The following PTPN11 variants were observed in gnomAD, a reference collection of about 807,000 sequenced individuals.
The protein encoded by PTPN11 is protein tyrosine phosphatase non-receptor type 11, also known as tyrosine-protein phosphatase non-receptor type 11.
Under a neutral mutation model 78.8 loss-of-function variants are expected in PTPN11, and 6 were observed. The ratio of observed to expected loss-of-function variants is 0.08; its 90% CI spans 0.04 to 0.15. The LOEUF (loss-of-function observed/expected upper bound fraction) is 0.15. PTPN11 is among the 10% of genes least tolerant of loss of function. The probability of loss-of-function intolerance (pLI) is 1.00; values close to 1 mark genes in which losing one functional copy is unlikely to be tolerated. For synonymous variants in PTPN11, 221 were observed against 263.5 expected, an observed-to-expected ratio of 0.84 and a Z score of 1.56; for missense variants, 386 against 744.8, an observed-to-expected ratio of 0.52 and a Z score of 5.61.
At chr12:112,491,728 AG>A (rs1484670372) in intron 13 of PTPN11, among the ~76,000 whole-genome samples, 1 of 152,158 alleles carries the variant, frequency 6.6e-6, no homozygotes, top group African/African-American at 2.4e-5. Flanking sequence ...TTTTTGAGAC[AG>A]GGTCTCACTT....
Position 112,444,568 on chromosome 12 carries a change from G to A in PTPN11, c.15-1708G>A, listed in dbSNP as rs192042875. Reference sequence around the variant, plus strand: ...TTGGTCAGGCTGCTCCCGAACTCCCGACCTCAGGTGATCTGCCTGCCTCAG... The same window carrying A: ...TTGGTCAGGCTGCTCCCGAACTCCCAACCTCAGGTGATCTGCCTGCCTCAG... On this transcript the variant is annotated intron_variant, in intron 1 of 15. Coordinates refer to ENST00000351677, the MANE Select transcript of PTPN11 (RefSeq NM_002834.5). Among the ~76,000 whole-genome samples, 8 of 152,126 alleles carry A rather than the reference G, an allele frequency of 5.3e-5. No individual in the cohort carries two copies. In the East Asian group the frequency reaches 1.4e-3, roughly 26 times the overall value.
chr12:112,504,647 G>A lies in PTPN11; in HGVS notation c.1713-48G>A, dbSNP rs776467042. ...TATAGATATCATGTAAGCTTAAACA[G>A]CGTGGTCTACATTTTTGTAAATGTC... On this transcript the variant is annotated intron_variant, in intron 14 of 15. Transcript: ENST00000351677. This position sits in a 1 kb window ranked among gnomAD's most constrained non-coding sequence, Gnocchi z 4.7. The A allele has an allele frequency of 1.5e-6, 2 of 1,355,520 alleles. No individual in the cohort carries two copies. Among genetic ancestry groups the A allele is most frequent in the African/African-American group, 1.5e-5 (1 of 68,826 alleles). The allele number at this position is 1,355,520 out of a possible 1,614,324, so 84.0% of individuals were successfully genotyped here.
chr12:112,470,570 A>T (rs144739874), intron 6 of PTPN11, among the ~76,000 whole-genome samples: 1 of 152,176 alleles, frequency 6.6e-6, no homozygotes, highest in South Asian at 2.1e-4. Flanking sequence ...GGAGGGAGAA[A>T]TTGAAGGGTA....
chr12:112,441,464 T>A (rs2037889037), intron 1 of PTPN11, among the ~76,000 whole-genome samples: 1 of 151,528 alleles, frequency 6.6e-6, no homozygotes, highest in African/African-American at 2.4e-5. Context: ...GGTTTTGCCA[T>A]TTTGCCCAGG....
chr12:112,440,751 T>C (rs2037875681), intron 1 of PTPN11, among the ~76,000 whole-genome samples: 1 of 150,550 alleles, frequency 6.6e-6, no homozygotes, highest in Non-Finnish European at 1.5e-5. Flanking sequence ...TTTTTGTATT[T>C]TTAGTACAGA....
rs1333826013 is a variant in PTPN11, at chr12:112,477,879, A to G, written c.956A>G (p.Asn319Ser). ...TAGCCTGAATTTGAAACCAAGTGCA[A>G]CAATTCAAAGCCCAAAAAGAGTTAC... ...IIMPEFETKC[N>S]NSKPKKSYIA... Residue 319 changes from asparagine to serine, a missense_variant, in exon 9 of 16, where the codon AAC becomes AGC. This residue lies in a region of PTPN11 where 279 missense variants were observed against 503.3 expected (regional missense o/e 0.55). Coordinates refer to ENST00000351677, the MANE Select transcript of PTPN11 (RefSeq NM_002834.5). 6.2e-7 allele frequency: 1 copy of G among 1,614,062 alleles called. No homozygotes were observed. Among genetic ancestry groups the G allele is most frequent in the Non-Finnish European group, 8.5e-7 (1 of 1,180,024 alleles).
chr12:112,457,583 G>A (rs978398186), intron 6 of PTPN11: 2 of 152,668 alleles, frequency 1.3e-5, no homozygotes, highest in Admixed American at 1.3e-4. Context: ...GATCCTTGAG[G>A]AGTCACCACA....
intron 6 of PTPN11, among the ~76,000 whole-genome samples, chr12:112,461,338 C>CTTTTTTTTTTT (rs559792080): frequency 7.1e-6 from 1 of 140,492 alleles, no homozygotes. Context: ...TTTTCTTTTT[C>CTTTTTTTTTTT]TTTTTTTTTT....
At chr12:112,423,568 G>A (rs1171044694) in intron 1 of PTPN11, among the ~76,000 whole-genome samples, 1 of 152,068 alleles carries the variant, frequency 6.6e-6, no homozygotes, top group Non-Finnish European at 1.5e-5. Flanking sequence ...TTATAGGCAT[G>A]AGCTACCACA....
chr12:112,488,607 G>A, intron 12 of PTPN11, 97 bp downstream of exon 12: 4 of 1,290,080 alleles, frequency 3.1e-6, no homozygotes, highest in Non-Finnish European at 4.5e-6. Context: ...GGTTGAATGG[G>A]AAAATTCTTT....
intron 7 of PTPN11, among the ~76,000 whole-genome samples, chr12:112,476,432 A>G (rs1271459604): frequency 6.6e-6 from 1 of 152,154 alleles, no homozygotes; most frequent in Non-Finnish European, 1.5e-5. Flanking sequence ...TGGACAGTTG[A>G]TACTATCAGA....
At chr12:112,446,528 G>A in intron 2 of PTPN11, 130 bp downstream of exon 2, 1 of 1,338,324 alleles carries the variant, frequency 7.5e-7, no homozygotes, top group Non-Finnish European at 1.1e-6. Context: ...CTGCCTTCAG[G>A]GTTTGGGGAG....
chr12:112,444,729 A>G (rs1351196726), intron 1 of PTPN11, among the ~76,000 whole-genome samples: 1 of 152,104 alleles, frequency 6.6e-6, no homozygotes, highest in Non-Finnish European at 1.5e-5. Flanking sequence ...GTGGGTTATA[A>G]TCTGTTACTA....
chr12:112,420,124 A>G (rs1035066691), intron 1 of PTPN11, among the ~76,000 whole-genome samples: 1 of 152,132 alleles, frequency 6.6e-6, no homozygotes, highest in African/African-American at 2.4e-5. Context: ...TTTTGTAACT[A>G]TTGCTAACCA....
At chr12:112,487,259 C>G (rs991145039) in intron 11 of PTPN11, among the ~76,000 whole-genome samples, 1 of 151,958 alleles carries the variant, frequency 6.6e-6, no homozygotes, top group African/African-American at 2.4e-5. Context: ...CTCAGCCTCC[C>G]AAGTAGCTGG....
Position 112,453,669 on chromosome 12 carries a change from G to GT in PTPN11, c.525+289dup, listed in dbSNP as rs2038111831. Among the ~76,000 whole-genome samples, 3 of 106,218 alleles carry GT rather than the reference G, an allele frequency of 2.8e-5. No homozygotes were observed. In the South Asian group the frequency reaches 9.1e-4, roughly 32 times the overall value. 69.7% of individuals were successfully genotyped at this position (106,218 alleles called of 152,430 possible). ...CTGTTTTTTTTTTTTTTTTGTTTTT[G>GT]TTTTTTTAATATTCATTTGTTTATT... On this transcript the variant is annotated intron_variant, in intron 4 of 15. Coordinates refer to ENST00000351677, the MANE Select transcript of PTPN11 (RefSeq NM_002834.5).
intron 1 of PTPN11, among the ~76,000 whole-genome samples, chr12:112,421,866 G>A (rs968947198): frequency 6.6e-6 from 1 of 152,146 alleles, no homozygotes; most frequent in Non-Finnish European, 1.5e-5. Flanking sequence ...GGGCTCAAGC[G>A]ATCTTCCTGC....
chr12:112,431,602 T>G (rs949718702), intron 1 of PTPN11, among the ~76,000 whole-genome samples: 1 of 152,076 alleles, frequency 6.6e-6, no homozygotes, highest in Admixed American at 6.6e-5. Context: ...AAAAGCTGCG[T>G]GTACCAACTG....
At chr12:112,439,205 A>G (rs1423875994) in intron 1 of PTPN11, among the ~76,000 whole-genome samples, 4 of 152,182 alleles carry the variant, frequency 2.6e-5, no homozygotes, top group Non-Finnish European at 5.9e-5. Flanking sequence ...GGCTACCCCT[A>G]AGGCTTTGCC....
Sources: gnomAD v4.1 joint callset for allele counts (sites outside exome capture counted in the v4.1 genomes callset) on GRCh38, gnomAD v4.1.1 for gene constraint, gnomAD v4.1.1 regional missense constraint, Gnocchi (gnomAD v3.1) non-coding constraint, MANE v1.5 for transcripts, NCBI Gene and HGNC (gene_info 2026-07-23, HGNC 2026-07-21) for gene names.